Variants in SLC26A3 observed in about 807,000 individuals in gnomAD.
SLC26A3 encodes chloride anion exchanger.
Under a neutral mutation model 85.6 loss-of-function variants are expected in SLC26A3, and 64 were observed. The ratio of observed to expected loss-of-function variants is 0.75; its 90% confidence interval spans 0.61 to 0.92. SLC26A3 has a LOEUF of 0.92. SLC26A3 is among the 40% of genes least tolerant of loss of function. SLC26A3 has a pLI of 0.00. For missense variants in SLC26A3, 922 were observed against 927.3 expected (o/e 0.99, Z 0.07); for synonymous variants, 349 against 336.0 (o/e 1.04, Z -0.42).
chr7:107,772,760 A>ATGTG (rs142656843), intron 17 of SLC26A3, among the ~76,000 whole-genome samples: 235 of 151,354 alleles, frequency 1.6e-3, no homozygotes, highest in African/African-American at 5.0e-3. Flanking sequence ...CAAAAAATAA[A>ATGTG]TGTGTGTGTG....
rs1562881927 is a variant in SLC26A3 at position 107,793,835 on chromosome 7, T to C, written c.178A>G (p.Ile60Val). 1 of 1,614,122 alleles carries C rather than the reference T, an allele frequency of 6.2e-7. No homozygotes were observed. The highest frequency in any genetic ancestry group is 1.7e-5 in the Admixed American group (1 of 60,020). ...CGGTATGCTGGCAACCAAGATGCTA[T>C]GGGGAACAAAGAGAGGACAATTCTC... ...AKRIVLSLFP[I>V]ASWLPAYRLK... The change falls in exon 3 of 21, where the codon ATA becomes GTA. Residue 60 changes from isoleucine to valine, a missense_variant. Ile to Val is a conservative substitution (Grantham distance 29). Transcript: ENST00000340010.
intron 11 of SLC26A3, among the ~76,000 whole-genome samples, chr7:107,781,579 A>G (rs1794215636): frequency 6.6e-6 from 1 of 152,176 alleles, no homozygotes; most frequent in South Asian, 2.1e-4. Flanking sequence ...TTATTGAGAT[A>G]ACATTCTTCT....
At position 107,783,218 on chromosome 7, in the gene SLC26A3, A is replaced by C; in HGVS notation, c.1106T>G (p.Leu369Arg). The C allele has an allele frequency of 6.2e-7, 1 of 1,614,220 alleles. No individual in the cohort carries two copies. The highest frequency in any genetic ancestry group is 8.5e-7 in the Non-Finnish European group (1 of 1,180,026). ...TTGTTTACTTACCTGATTGCCATCA[A>C]GTGGATAATCGTATTTGAGGGAATA... ...SVYSLKYDYPLDGNQELIALG... is the reference protein window; with the variant it reads ...SVYSLKYDYPRDGNQELIALG... Residue 369 changes from leucine (L) to arginine (R), a missense_variant, in exon 9 of 21, where the codon CTT becomes CGT. Leu to Arg is a moderately radical substitution (Grantham distance 102). Transcript: ENST00000340010.
At chr7:107,773,888 T>C in intron 17 of SLC26A3, 32 bp downstream of exon 17, 1 of 1,543,906 alleles carries the variant, frequency 6.5e-7, no homozygotes, top group South Asian at 1.1e-5. Context: ...TAGTCATTGA[T>C]TGGTTGTTTC....
chr7:107,797,419 G>A (rs553316780), intron 1 of SLC26A3, among the ~76,000 whole-genome samples: 14 of 152,218 alleles, frequency 9.2e-5, no homozygotes, highest in East Asian at 3.9e-4. Context: ...GCTTGAACCC[G>A]GGAGGCAGAG....
At chr7:107,780,295 T>C (rs527639426) in intron 11 of SLC26A3, among the ~76,000 whole-genome samples, 8 of 152,258 alleles carry the variant, frequency 5.3e-5, no homozygotes, top group Middle Eastern at 6.8e-3. Flanking sequence ...GTTAAATGCA[T>C]ACAGGAGGGG....
In SLC26A3 at chr7:107,769,996, TTTTCTCTTTCTTTCTTTCTTTC is replaced by T. The variant is rs1449458511; in HGVS notation, c.2062+2036_2062+2057del. 6.4e-3 allele frequency among the ~76,000 whole-genome samples: 870 copies of T among 135,280 alleles called. 14 individuals carry two copies. The highest frequency in any genetic ancestry group is 0.022 in the African/African-American group (813 of 36,506). 88.7% of individuals were successfully genotyped at this position (135,280 alleles called of 152,430 possible). A position where few individuals can be genotyped will look rare whatever the true frequency, so the allele number is the denominator to read the frequency against. On this transcript the variant is annotated intron_variant, in intron 18 of 20. Coordinates refer to ENST00000340010, the MANE Select transcript of SLC26A3 (RefSeq NM_000111.3). ...CCCTCCCTCCCTTCCTTCCTTCCTT[TTTTCTCTTTCTTTCTTTCTTTC>T]TTTCTTTCTTTCTTTCTTTCTTTCT...
chr7:107,781,506 C>A (rs1409835006), intron 11 of SLC26A3, among the ~76,000 whole-genome samples: 2 of 152,068 alleles, frequency 1.3e-5, no homozygotes, highest in African/African-American at 2.4e-5. Flanking sequence ...CAAGTTTACA[C>A]CCGGGGAGAA....
chr7:107,795,253 G>A (rs1379144794), intron 1 of SLC26A3, among the ~76,000 whole-genome samples: 1 of 152,168 alleles, frequency 6.6e-6, no homozygotes, highest in East Asian at 1.9e-4. Flanking sequence ...TGGGGATAAA[G>A]ATATTCAAGT....
chr7:107,776,772 G>T (rs1794123136), intron 13 of SLC26A3, 66 bp from the exon 14 acceptor site: 2 of 1,397,796 alleles, frequency 1.4e-6, no homozygotes, highest in South Asian at 2.4e-5. Context: ...GGCTAACACT[G>T]ACTTTTTCCA....
intron 18 of SLC26A3, 116 bp from the exon 19 acceptor site, chr7:107,768,024 T>C: frequency 3.2e-6 from 3 of 935,984 alleles, no homozygotes; most frequent in Admixed American, 4.0e-5. Context: ...TGACATTTGG[T>C]TAAGTGTGTG....
At chr7:107,774,900 A>G in intron 15 of SLC26A3, 28 bp from the exon 16 acceptor site, 3 of 1,517,442 alleles carry the variant, frequency 2.0e-6, no homozygotes, top group Non-Finnish European at 2.7e-6. Flanking sequence ...GTGTTACAAG[A>G]GTACTGAATA....
chr7:107,776,355 G>T, intron 15 of SLC26A3, 97 bp downstream of exon 15: 1 of 1,024,680 alleles, frequency 9.8e-7, no homozygotes, highest in South Asian at 1.3e-5. Context: ...CAACATATGT[G>T]ACACAACCCA....
At chr7:107,793,706 T>C (rs1472986498) in intron 3 of SLC26A3, 36 bp downstream of exon 3, 1 of 1,496,236 alleles carries the variant, frequency 6.7e-7, no homozygotes, top group African/African-American at 1.4e-5. Context: ...AGGAAGAATT[T>C]TATTGTATAT....
intron 1 of SLC26A3, among the ~76,000 whole-genome samples, chr7:107,794,987 G>C (rs1238497365): frequency 6.6e-6 from 1 of 152,074 alleles, no homozygotes; most frequent in Non-Finnish European, 1.5e-5. Flanking sequence ...AGTCCAGACT[G>C]TTCCAATTTA....
At chr7:107,788,107 A>G (rs1174511068) in intron 6 of SLC26A3, among the ~76,000 whole-genome samples, 1 of 152,170 alleles carries the variant, frequency 6.6e-6, no homozygotes, top group Non-Finnish European at 1.5e-5. Context: ...CTGGATCCCA[A>G]ATTGCTTCTA....
chr7:107,765,913 C>G (rs373265098), intron 20 of SLC26A3, 35 bp from the exon 21 acceptor site: 2 of 1,589,772 alleles, frequency 1.3e-6, no homozygotes, highest in Non-Finnish European at 1.7e-6. Flanking sequence ...TTTTAAAATA[C>G]TCGTCAAGTT....
chr7:107,787,431 C>A lies in SLC26A3; in HGVS notation c.814G>T (p.Val272Leu), dbSNP rs758230257. Residue 272 changes from valine (V) to leucine (L), a missense_variant, in exon 7 of 21, where the codon GTA becomes TTA. Transcript: ENST00000340010. ...LVTALIVLLV[V>L]SIVKEINQRF... Reference sequence around the variant, plus strand: ...TGATTTATTTCTTTAACAATGGATACAACCAAAAGGACAATCAGAGCTGTC... The same window carrying A: ...TGATTTATTTCTTTAACAATGGATAAAACCAAAAGGACAATCAGAGCTGTC... 6.2e-6 allele frequency: 10 copies of A among 1,613,886 alleles called. No individual in the cohort carries two copies. The highest frequency in any genetic ancestry group is 8.5e-6 in the Non-Finnish European group (10 of 1,179,854).
intron 5 of SLC26A3, among the ~76,000 whole-genome samples, chr7:107,790,147 T>C (rs1302249994): frequency 6.6e-6 from 1 of 152,184 alleles, no homozygotes; most frequent in Non-Finnish European, 1.5e-5. Context: ...GCTTAAGAAA[T>C]ACATAACTGC....
Sources: gnomAD v4.1 joint callset for allele counts (sites outside exome capture counted in the v4.1 genomes callset) on GRCh38, gnomAD v4.1.1 for gene constraint, MANE v1.5 for transcripts, NCBI Gene and HGNC (gene_info 2026-07-23, HGNC 2026-07-21) for gene names.